The following AUTS2 variants were observed in gnomAD, a reference collection of about 807,000 sequenced individuals.
AUTS2 encodes the protein activator of transcription and developmental regulator AUTS2.
A neutral mutation model predicts 112.4 loss-of-function variants in AUTS2; 17 were observed. The observed-to-expected ratio is 0.15, with a 90% CI of 0.10 to 0.23. AUTS2 has a LOEUF of 0.23. Ranked by LOEUF, AUTS2 falls within the 10% of genes least tolerant of loss-of-function variation. The pLI, the probability that AUTS2 is intolerant of heterozygous loss-of-function variation, is 1.00. For synonymous variants in AUTS2, 751 were observed against 702.7 expected (o/e 1.07, Z -1.09); for missense variants, 1,510 against 1,701.6 (o/e 0.89, Z 1.98).
intron 2 of AUTS2, among the ~76,000 whole-genome samples, chr7:70,107,984 CT>C (rs1804863171): frequency 6.6e-6 from 1 of 150,724 alleles, no homozygotes; most frequent in African/African-American, 2.4e-5. Context: ...GCACTCCAGC[CT>C]GGGCGACAGA....
intron 2 of AUTS2, among the ~76,000 whole-genome samples, chr7:70,076,502 G>C (rs756863796): frequency 7.9e-5 from 12 of 152,198 alleles, no homozygotes; most frequent in African/African-American, 2.2e-4. Context: ...AGGACTTACT[G>C]TAGTTAGGTA....
chr7:70,786,382 C>CA (rs1791477531), intron 17 of AUTS2, among the ~76,000 whole-genome samples: 1 of 143,464 alleles, frequency 7.0e-6, no homozygotes, highest in African/African-American at 3.0e-5. Context: ...ATAGTTACAG[C>CA]AATTGTTACA....
At chr7:70,367,443 C>A (rs556504164) in intron 4 of AUTS2, among the ~76,000 whole-genome samples, 40 of 151,608 alleles carry the variant, frequency 2.6e-4, no homozygotes, top group Non-Finnish European at 4.1e-4. Flanking sequence ...GTAGTCCCAA[C>A]TACTTGGGAG....
chr7:70,790,132 G>A lies in AUTS2; in HGVS notation c.2916G>A (p.Glu972=), dbSNP rs1429592501. 6.2e-7 allele frequency: 1 copy of A among 1,607,174 alleles called. No individual in the cohort carries two copies. Among genetic ancestry groups the A allele is most frequent in the African/African-American group, 1.3e-5 (1 of 74,966 alleles). ...CGCGCAAGGGTGAGCCGGCCTACGA[G>A]AACCCCAAGAAGAGCTCCGAGGTCA... ...AEPRKGEPAY[E]NPKKSSEVKV... is the part of the protein sequence containing the mutation. The change falls in exon 19 of 19, where the codon GAG becomes GAA. Residue 972 remains glutamate, a synonymous_variant. Transcript: ENST00000342771. This position sits in a 1 kb window ranked among gnomAD's most constrained non-coding sequence, Gnocchi z 7.6.
chr7:70,717,541 G>A (rs539616308), intron 6 of AUTS2, among the ~76,000 whole-genome samples: 1 of 152,270 alleles, frequency 6.6e-6, no homozygotes, highest in South Asian at 2.1e-4. Context: ...CCTGAGGGGT[G>A]GGTGGAAGAG....
At chr7:70,343,632 A>G (rs1416917671) in intron 4 of AUTS2, among the ~76,000 whole-genome samples, 1 of 152,220 alleles carries the variant, frequency 6.6e-6, no homozygotes, top group African/African-American at 2.4e-5. Context: ...GACTTTTAAG[A>G]TGTAACATGT....
chr7:70,349,951 G>A (rs141069713), intron 4 of AUTS2, among the ~76,000 whole-genome samples: 6 of 152,256 alleles, frequency 3.9e-5, no homozygotes, highest in African/African-American at 1.4e-4. Context: ...TCAAGAACTG[G>A]GACAGTGTTG....
chr7:69,975,607 A>G (rs978256929), intron 2 of AUTS2, among the ~76,000 whole-genome samples: 1 of 150,038 alleles, frequency 6.7e-6, no homozygotes, highest in Non-Finnish European at 1.5e-5. Context: ...GAGTAATTTT[A>G]GTTGTTCTTT....
chr7:70,181,508 ATGGAGTTTTGCTCTTGTTGCCCAGGC>A (rs1809301497), intron 4 of AUTS2, among the ~76,000 whole-genome samples: 2 of 141,452 alleles, frequency 1.4e-5, no homozygotes, highest in Admixed American at 1.4e-4. Flanking sequence ...TTTTTTTGAG[ATGGAGTTTTGCTCTTGTTGCCCAGGC>A]TGGAGTGCAG....
At chr7:70,003,930 ATATT>A (rs1323004672) in intron 2 of AUTS2, among the ~76,000 whole-genome samples, 5 of 80,468 alleles carry the variant, frequency 6.2e-5, no homozygotes, top group Non-Finnish European at 8.5e-5. Flanking sequence ...ATGAATATAT[ATATT>A]ATATATGAAT....
intron 5 of AUTS2, among the ~76,000 whole-genome samples, chr7:70,642,769 C>T (rs185376844): frequency 6.0e-4 from 65 of 107,916 alleles, no homozygotes; most frequent in South Asian, 1.5e-3. Context: ...TAAGCTCTCT[C>T]GCTGTCAGCA....
rs56244002 is a variant in AUTS2 at position 70,731,420 on chromosome 7, C to CTTTTTTTTTTTT, written c.743-31434_743-31423dup. Reference sequence around the variant, plus strand: ...GCTCATATATCCCCTTTACCCAGATCTTTTTTTTTTTTTTTTTTTTTTTTT... The same window carrying CTTTTTTTTTTTT: ...GCTCATATATCCCCTTTACCCAGATCTTTTTTTTTTTTTTTTTTTTTTTTTTTTTTTTTTTTT... On this transcript the variant is annotated intron_variant, in intron 6 of 18. Coordinates refer to ENST00000342771, the MANE Select transcript of AUTS2 (RefSeq NM_015570.4). Among the ~76,000 whole-genome samples, 5 of 69,508 alleles carry CTTTTTTTTTTTT rather than the reference C, an allele frequency of 7.2e-5. 2 individuals are homozygous for CTTTTTTTTTTTT. Among genetic ancestry groups the CTTTTTTTTTTTT allele is most frequent in the East Asian group, 1.1e-3 (2 of 1,798 alleles). The allele number at this position is 69,508 out of a possible 152,430, so 45.6% of individuals were successfully genotyped here. A position where few individuals can be genotyped will look rare whatever the true frequency, so the allele number is the denominator to read the frequency against.
At chr7:70,044,082 C>G (rs1294835562) in intron 2 of AUTS2, among the ~76,000 whole-genome samples, 2 of 152,116 alleles carry the variant, frequency 1.3e-5, no homozygotes, top group Non-Finnish European at 2.9e-5. Context: ...AGCCAGCCCT[C>G]CCTCCTTTCC....
At chr7:70,475,209 C>A (rs974896821) in intron 5 of AUTS2, among the ~76,000 whole-genome samples, 1 of 152,178 alleles carries the variant, frequency 6.6e-6, no homozygotes, top group African/African-American at 2.4e-5. Flanking sequence ...GCAAAGCTCA[C>A]CTATCCCTAA....
Position 69,919,837 on chromosome 7 carries a change from C to T in AUTS2, c.522+20339C>T, listed in dbSNP as rs187744666. 5.2e-4 allele frequency among the ~76,000 whole-genome samples: 79 copies of T among 152,228 alleles called. 2 individuals are homozygous for T. In the East Asian group the frequency reaches 0.015, roughly 29 times the overall value. The stretch of plus-strand genomic sequence containing the variant: ...TGATAATATTAATATTTTAGATAAA[C>T]CAGCACTGAAGTATGTGATACCTAC... On this transcript the variant is annotated intron_variant, in intron 2 of 18. Coordinates refer to ENST00000342771, the MANE Select transcript of AUTS2 (RefSeq NM_015570.4).
chr7:70,707,824 C>A (rs1809820882), intron 6 of AUTS2, among the ~76,000 whole-genome samples: 1 of 152,100 alleles, frequency 6.6e-6, no homozygotes, highest in South Asian at 2.1e-4. Flanking sequence ...TACTTTTCAG[C>A]CAGATTTTAT....
chr7:70,103,057 ATAAT>A (rs1410386684), intron 2 of AUTS2, among the ~76,000 whole-genome samples: 4 of 152,200 alleles, frequency 2.6e-5, no homozygotes, highest in African/African-American at 7.2e-5. Context: ...AGATACCAGA[ATAAT>A]TATTTATATC....
intron 5 of AUTS2, among the ~76,000 whole-genome samples, chr7:70,540,148 A>G (rs956235421): frequency 6.6e-6 from 1 of 152,078 alleles, no homozygotes; most frequent in African/African-American, 2.4e-5. Flanking sequence ...GCCCAGCAAA[A>G]TGGAAAATAA....
intron 4 of AUTS2, among the ~76,000 whole-genome samples, chr7:70,230,565 C>A (rs1465053834): frequency 6.6e-6 from 1 of 152,172 alleles, no homozygotes; most frequent in African/African-American, 2.4e-5. Context: ...ACCAGTCTGG[C>A]CCAAATCTTA....
Sources: allele counts gnomAD v4.1 joint callset (sites outside exome capture counted in the v4.1 genomes callset), GRCh38; gene constraint gnomAD v4.1.1; non-coding constraint Gnocchi (gnomAD v3.1); transcripts MANE v1.5; gene names NCBI Gene and HGNC (gene_info 2026-07-23, HGNC 2026-07-21).